The following RBFOX1 variants were observed in gnomAD, a reference collection of about 807,000 sequenced individuals.
RBFOX1 encodes RNA binding protein fox-1 homolog 1.
In RBFOX1, 8 loss-of-function variants were observed where a neutral mutation model predicts 57.7. The observed-to-expected ratio is 0.14, with a 90% CI of 0.08 to 0.25. The LOEUF (loss-of-function observed/expected upper bound fraction) is 0.25. Ranked by LOEUF, RBFOX1 falls within the 10% of genes least tolerant of loss-of-function variation. The pLI is 1.00. For synonymous variants in RBFOX1, 326 were observed against 222.4 expected (o/e 1.47, Z -4.15); for missense variants, 611 against 548.5 (o/e 1.11, Z -1.14).
At chr16:5,345,557 C>T (rs545086361) in intron 1 of RBFOX1, among the ~76,000 whole-genome samples, 1 of 152,218 alleles carries the variant, frequency 6.6e-6, no homozygotes, top group African/African-American at 2.4e-5. Context: ...CTCCTTACCT[C>T]CCAACTGAGG....
chr16:6,488,555 C>A (rs1598056555), intron 2 of RBFOX1, among the ~76,000 whole-genome samples: 1 of 152,110 alleles, frequency 6.6e-6, no homozygotes, highest in South Asian at 2.1e-4. Flanking sequence ...ATTTTCAAGA[C>A]TTTTTATAAT....
chr16:7,215,945 G>A (rs554244057), intron 4 of RBFOX1, among the ~76,000 whole-genome samples: 21 of 152,144 alleles, frequency 1.4e-4, no homozygotes, highest in East Asian at 3.9e-4. Context: ...GGATGGTCTC[G>A]ATTTCCTGAC....
chr16:7,083,572 G>C (rs766663848), intron 4 of RBFOX1, among the ~76,000 whole-genome samples: 1 of 152,126 alleles, frequency 6.6e-6, no homozygotes, highest in Non-Finnish European at 1.5e-5. Context: ...GGCTTTCTCA[G>C]AGCTTGTAAG....
chr16:5,639,463 G>A (rs532070304), intron 3 of RBFOX1, among the ~76,000 whole-genome samples: 1 of 152,268 alleles, frequency 6.6e-6, no homozygotes, highest in African/African-American at 2.4e-5. Flanking sequence ...ACTTCTTTTG[G>A]AAAGTGAGAA....
chr16:6,678,824 T>A (rs1160921752), intron 3 of RBFOX1, among the ~76,000 whole-genome samples: 4 of 152,080 alleles, frequency 2.6e-5, no homozygotes, highest in Non-Finnish European at 5.9e-5. Context: ...GTAACACGGT[T>A]CATCCAGGAG....
intron 3 of RBFOX1, among the ~76,000 whole-genome samples, chr16:7,049,385 A>G (rs181087272): frequency 2.6e-4 from 39 of 152,264 alleles, no homozygotes; most frequent in Admixed American, 3.9e-4. Context: ...ACTGTTGTTT[A>G]TACATGAACA....
intron 4 of RBFOX1, among the ~76,000 whole-genome samples, chr16:7,218,096 T>TGC (rs1415738261): frequency 6.7e-6 from 1 of 149,832 alleles, no homozygotes; most frequent in Non-Finnish European, 1.5e-5. Context: ...TGTGTGTGTG[T>TGC]GCCCCTGAGT....
At chr16:5,415,750 G>C (rs916584101) in intron 1 of RBFOX1, among the ~76,000 whole-genome samples, 5 of 152,276 alleles carry the variant, frequency 3.3e-5, no homozygotes, top group Non-Finnish European at 5.9e-5. Context: ...TATTTAAAGA[G>C]AAAATATTAA....
At chr16:6,504,543 G>A (rs903987051) in intron 2 of RBFOX1, among the ~76,000 whole-genome samples, 3 of 152,150 alleles carry the variant, frequency 2.0e-5, no homozygotes, top group Non-Finnish European at 4.4e-5. Flanking sequence ...CAGGGAGCTA[G>A]AATGAGGGAT....
At chr16:5,574,515 A>C (rs1217318170) in intron 2 of RBFOX1, among the ~76,000 whole-genome samples, 1 of 151,848 alleles carries the variant, frequency 6.6e-6, no homozygotes. Context: ...TCCCGGGTTC[A>C]AGTGATTCTC....
intron 3 of RBFOX1, among the ~76,000 whole-genome samples, chr16:5,788,578 G>A (rs183180578): frequency 2.6e-4 from 40 of 152,262 alleles, no homozygotes; most frequent in African/African-American, 9.6e-4. Context: ...GCAGTGAGCC[G>A]GGATCGTGCC....
intron 4 of RBFOX1, among the ~76,000 whole-genome samples, chr16:7,390,123 A>G (rs569584987): frequency 6.6e-6 from 1 of 152,150 alleles, no homozygotes; most frequent in African/African-American, 2.4e-5. Flanking sequence ...GAGGGGCTAC[A>G]TACTTTCAAA....
At chr16:6,655,922 C>T (rs1288025023) in intron 3 of RBFOX1, among the ~76,000 whole-genome samples, 1 of 152,174 alleles carries the variant, frequency 6.6e-6, no homozygotes, top group Non-Finnish European at 1.5e-5. Flanking sequence ...AAATAAAAAG[C>T]AGTTGCCACA....
chr16:7,241,169 G>C (rs1430646596), intron 4 of RBFOX1, among the ~76,000 whole-genome samples: 1 of 152,152 alleles, frequency 6.6e-6, no homozygotes, highest in Non-Finnish European at 1.5e-5. Flanking sequence ...ATCCACTGGA[G>C]GATTGATTAT....
intron 2 of RBFOX1, among the ~76,000 whole-genome samples, chr16:5,533,525 C>A (rs983180758): frequency 2.0e-5 from 3 of 152,128 alleles, no homozygotes; most frequent in African/African-American, 7.2e-5. Flanking sequence ...ATGCAAGGAA[C>A]ATTTAAAGTC....
intron 2 of RBFOX1, among the ~76,000 whole-genome samples, chr16:6,476,489 T>G (rs2095273873): frequency 6.6e-6 from 1 of 152,236 alleles, no homozygotes; most frequent in South Asian, 2.1e-4. Flanking sequence ...TACTGTAGTC[T>G]ATTAAGTGTG....
At chr16:6,239,316 G>A (rs1447232029) in intron 1 of RBFOX1, among the ~76,000 whole-genome samples, 1 of 151,718 alleles carries the variant, frequency 6.6e-6, no homozygotes, top group Non-Finnish European at 1.5e-5. Context: ...TTATTTCTGG[G>A]CCCCACCGTG....
At chr16:5,524,633 TG>T (rs1056711120) in intron 2 of RBFOX1, among the ~76,000 whole-genome samples, 1 of 151,684 alleles carries the variant, frequency 6.6e-6, no homozygotes, top group African/African-American at 2.4e-5. Flanking sequence ...CTCTGTGTCC[TG>T]GGTTCCGTCA....
chr16:5,465,772 G>A (rs767155951), intron 1 of RBFOX1, among the ~76,000 whole-genome samples: 6 of 152,290 alleles, frequency 3.9e-5, no homozygotes, highest in South Asian at 2.1e-4. Flanking sequence ...TCATTGAATC[G>A]TCACCCTATG....
Sources: gnomAD v4.1 joint callset for allele counts (sites outside exome capture counted in the v4.1 genomes callset) on GRCh38, gnomAD v4.1.1 for gene constraint, MANE v1.5 for transcripts, NCBI Gene and HGNC (gene_info 2026-07-23, HGNC 2026-07-21) for gene names.